The following DNTTIP1 variants were observed in gnomAD, a reference collection of about 807,000 sequenced individuals.
The protein encoded by DNTTIP1 is deoxynucleotidyltransferase terminal-interacting protein 1.
DNTTIP1 carries 22 observed loss-of-function variants against 52.9 expected under a neutral mutation model. The ratio of observed to expected loss-of-function variants is 0.42; its 90% CI spans 0.30 to 0.59. The LOEUF (loss-of-function observed/expected upper bound fraction) is 0.59. Ranked by LOEUF, DNTTIP1 falls within the 20% of genes least tolerant of loss-of-function variation. DNTTIP1 has a pLI of 0.22. For synonymous variants in DNTTIP1, 136 were observed against 155.1 expected (o/e 0.88, Z 0.92); for missense variants, 286 against 435.5 (o/e 0.66, Z 3.06).
rs1338338865 is a variant in DNTTIP1 at position 45,811,243 on chromosome 20, T to G, written c.*48T>G. On this transcript the variant is annotated 3_prime_UTR_variant, in exon 13 of 13. Transcript: ENST00000372622. ...TGGCAGCCCTCCTCCAAAGCCCTCT[T>G]CCTCACGTGGCTGAGGCCACCGCTG... is the stretch of plus-strand genomic sequence containing the variant. 1 of 1,559,852 alleles carries G rather than the reference T, an allele frequency of 6.4e-7. No individual in the cohort carries two copies. The highest frequency in any genetic ancestry group is 2.2e-5 in the East Asian group (1 of 44,634).
intron 10 of DNTTIP1, among the ~76,000 whole-genome samples, chr20:45,808,235 A>G (rs184406197): frequency 6.6e-6 from 1 of 152,242 alleles, no homozygotes; most frequent in Admixed American, 6.5e-5. Flanking sequence ...AATCCCAGCT[A>G]TTCAAGGCTG....
chr20:45,811,168 T>G lies in DNTTIP1; in HGVS notation c.963T>G (p.Arg321=). ...CACTACGGACAGAGAATGAGCATCG[T>G]GCTGTTGAAGCACCTCCACAGACCT... ...METLRTENEH[R]AVEAPPQT The change falls in exon 13 of 13, where the codon CGT becomes CGG. Residue 321 remains arginine, a synonymous_variant. Transcript: ENST00000372622. 6.2e-7 allele frequency: 1 copy of G among 1,613,436 alleles called. No homozygotes were observed. The highest frequency in any genetic ancestry group is 8.5e-7 in the Non-Finnish European group (1 of 1,179,604).
At chr20:45,803,719 G>A (rs759933950) in intron 8 of DNTTIP1, among the ~76,000 whole-genome samples, 4 of 152,198 alleles carry the variant, frequency 2.6e-5, no homozygotes, top group Non-Finnish European at 5.9e-5. Context: ...AAACTTATGA[G>A]ATCAATTCTG....
intron 4 of DNTTIP1, among the ~76,000 whole-genome samples, chr20:45,798,963 C>T (rs1459757418): frequency 3.3e-5 from 5 of 152,162 alleles, no homozygotes. Context: ...AATTAGATTA[C>T]CAACAAATGT....
chr20:45,801,785 C>T lies in DNTTIP1; in HGVS notation c.499-214C>T, dbSNP rs532487355. ...GCTGAGTAACAGAGTAAGACCCTGT[C>T]TCTCAAAAAAGGCTCTTCACTCCGC... On this transcript the variant is annotated intron_variant, in intron 6 of 12. Transcript: ENST00000372622. 2.0e-5 allele frequency among the ~76,000 whole-genome samples: 3 copies of T among 152,326 alleles called. No homozygotes were observed. In the South Asian group the frequency reaches 6.2e-4, roughly 32 times the overall value.
intron 4 of DNTTIP1, among the ~76,000 whole-genome samples, chr20:45,797,630 T>C (rs750084618): frequency 6.6e-6 from 1 of 151,890 alleles, no homozygotes; most frequent in Admixed American, 6.6e-5. Flanking sequence ...CTAACAAATT[T>C]ACAAGAAAAA....
At chr20:45,800,161 G>A (rs1981379261) in intron 4 of DNTTIP1, among the ~76,000 whole-genome samples, 1 of 151,658 alleles carries the variant, frequency 6.6e-6, no homozygotes, top group Admixed American at 6.6e-5. Context: ...TTACTGAGGA[G>A]TATGTGTTAT....
intron 4 of DNTTIP1, among the ~76,000 whole-genome samples, chr20:45,799,530 C>CT (rs1292110607): frequency 2.0e-5 from 3 of 152,172 alleles, no homozygotes; most frequent in Non-Finnish European, 2.9e-5. Flanking sequence ...TTCTGCCCAG[C>CT]TTTTTTTACA....
intron 4 of DNTTIP1, among the ~76,000 whole-genome samples, chr20:45,796,247 G>A (rs1436223539): frequency 6.6e-6 from 1 of 152,138 alleles, no homozygotes; most frequent in Admixed American, 6.5e-5. Flanking sequence ...AGTGGTGGAT[G>A]TGTTGATTGA....
At chr20:45,793,099 ACT>A (rs1425881302) in intron 2 of DNTTIP1, among the ~76,000 whole-genome samples, 1 of 152,132 alleles carries the variant, frequency 6.6e-6, no homozygotes, top group Non-Finnish European at 1.5e-5. Flanking sequence ...TCATCAACAG[ACT>A]CTGATGAGCC....
chr20:45,794,110 C>A, intron 3 of DNTTIP1, 93 bp downstream of exon 3: 1 of 689,390 alleles, frequency 1.5e-6, no homozygotes, highest in Non-Finnish European at 2.3e-6. Flanking sequence ...TTCCTACATA[C>A]AGATATCTAA....
intron 3 of DNTTIP1, among the ~76,000 whole-genome samples, 181 bp downstream of exon 3, chr20:45,794,198 G>A (rs1235997381): frequency 6.6e-6 from 1 of 152,084 alleles, no homozygotes; most frequent in Non-Finnish European, 1.5e-5. Context: ...ACCCAGGCTG[G>A]AGTGCAGTGG....
In DNTTIP1 at chr20:45,809,189, A is replaced by C. The variant is rs778421015; in HGVS notation, c.795+4A>C. 1 of 1,613,870 alleles carries C rather than the reference A, an allele frequency of 6.2e-7. No homozygotes were observed. The highest frequency in any genetic ancestry group is 8.5e-7 in the Non-Finnish European group (1 of 1,179,966). On this transcript the variant is annotated splice_donor_region_variant and intron_variant, in intron 11 of 12. Transcript: ENST00000372622. The surrounding 1 kb of genome is among the most constrained non-coding windows in gnomAD (Gnocchi z 4.2). ...GCGGGCAACAGGGGGCAAGATGGTA[A>C]GCATTATTCATTTGTGCCACTGCCA...
chr20:45,797,113 C>G (rs1304300486), intron 4 of DNTTIP1, among the ~76,000 whole-genome samples: 1 of 152,182 alleles, frequency 6.6e-6, no homozygotes, highest in Non-Finnish European at 1.5e-5. Context: ...TTCACCGTTA[C>G]CCAGTTCCAA....
At chr20:45,805,275 G>C in intron 9 of DNTTIP1, 31 bp from the exon 10 acceptor site, 1 of 1,614,126 alleles carries the variant, frequency 6.2e-7, no homozygotes, top group South Asian at 1.1e-5. Flanking sequence ...ACACTTTCTG[G>C]AATCTTGACC....
At chr20:45,808,645 G>A (rs1438950471) in intron 10 of DNTTIP1, among the ~76,000 whole-genome samples, 3 of 151,960 alleles carry the variant, frequency 2.0e-5, no homozygotes, top group African/African-American at 4.8e-5. Context: ...CGTCTCAATC[G>A]ATCAATCAAT....
Position 45,809,333 on chromosome 20 carries a change from T to A in DNTTIP1, c.795+148T>A, listed in dbSNP as rs1981748704. ...GAGACTTATAAGGCCTATTTCTTCA[T>A]GCTGAAGAGCAAATTGTAATCTTCA... is the stretch of plus-strand genomic sequence containing the variant. On this transcript the variant is annotated intron_variant, in intron 11 of 12. Coordinates refer to ENST00000372622, the MANE Select transcript of DNTTIP1 (RefSeq NM_052951.3). The surrounding 1 kb of genome is among the most constrained non-coding windows in gnomAD (Gnocchi z 4.2). The A allele has an allele frequency of 1.5e-6, 1 of 682,914 alleles. No homozygotes were observed. Among genetic ancestry groups the A allele is most frequent in the African/African-American group, 1.8e-5 (1 of 55,678 alleles). The allele number at this position is 682,914 out of a possible 1,614,324, so 42.3% of individuals were successfully genotyped here.
chr20:45,797,720 C>T (rs1345159705), intron 4 of DNTTIP1, among the ~76,000 whole-genome samples: 1 of 152,168 alleles, frequency 6.6e-6, no homozygotes, highest in African/African-American at 2.4e-5. Flanking sequence ...AGCCAAAAGA[C>T]ACATGAAAAA....
At chr20:45,802,438 G>A (rs1287410473) in intron 7 of DNTTIP1, among the ~76,000 whole-genome samples, 3 of 152,054 alleles carry the variant, frequency 2.0e-5, no homozygotes, top group Admixed American at 6.6e-5. Context: ...ATGTCATATC[G>A]TTAACATTGC....
Sources: gnomAD v4.1 joint callset for allele counts (sites outside exome capture counted in the v4.1 genomes callset) on GRCh38, gnomAD v4.1.1 for gene constraint, Gnocchi (gnomAD v3.1) non-coding constraint, MANE v1.5 for transcripts, NCBI Gene and HGNC (gene_info 2026-07-23, HGNC 2026-07-21) for gene names.